MPRIP: variants seen among roughly 807,000 people sequenced by gnomAD.
The protein encoded by MPRIP is myosin phosphatase Rho interacting protein.
In MPRIP, 59 loss-of-function variants were observed where a neutral mutation model predicts 234.9. The ratio of observed to expected loss-of-function variants is 0.25; its 90% CI spans 0.20 to 0.31. The LOEUF is 0.31. Ranked by LOEUF, MPRIP falls within the 10% of genes least tolerant of loss-of-function variation. The pLI, the probability that MPRIP is intolerant of heterozygous loss-of-function variation, is 1.00. For synonymous variants in MPRIP, 1,144 were observed against 1,263.9 expected (o/e 0.91, Z 2.01); for missense variants, 2,436 against 3,071.0 (o/e 0.79, Z 4.89).
intron 7 of MPRIP, among the ~76,000 whole-genome samples, chr17:17,140,645 G>GT (rs1394367084): frequency 6.6e-6 from 1 of 152,116 alleles, no homozygotes; most frequent in Non-Finnish European, 1.5e-5. Flanking sequence ...CACAGGGTTG[G>GT]TTTTTTGACA....
At position 17,174,006 on chromosome 17, in the gene MPRIP, G is replaced by T. The variant is rs11551186; in HGVS notation, c.6681G>T (p.Ala2227=). ...TGGAGAATGCCCATCTGGCCCAGGC[G>T]CTGGAGGCCGAGCGGCAGGCCCTGC... ...KCLENAHLAQ[A]LEAERQALRQ... The change falls in exon 19 of 24, where the codon GCG becomes GCT. Residue 2227 remains alanine (A), a synonymous_variant. Coordinates refer to ENST00000651222, the MANE Select transcript of MPRIP (RefSeq NM_001364716.4). 1.9e-5 allele frequency: 30 copies of T among 1,613,678 alleles called. No homozygotes were observed. In the African/African-American group the frequency reaches 2.7e-4, roughly 14 times the overall value.
intron 3 of MPRIP, among the ~76,000 whole-genome samples, chr17:17,120,540 A>C (rs745680836): frequency 4.2e-4 from 64 of 152,114 alleles, no homozygotes; most frequent in Non-Finnish European, 7.6e-4. Flanking sequence ...CTGCCTAAAC[A>C]ATCTGCAGCC....
chr17:17,132,024 C>G (rs1324836151), intron 5 of MPRIP, among the ~76,000 whole-genome samples: 1 of 152,216 alleles, frequency 6.6e-6, no homozygotes, highest in Non-Finnish European at 1.5e-5. Context: ...AGCCTGCAGC[C>G]ACAGTCAAAA....
intron 1 of MPRIP, among the ~76,000 whole-genome samples, chr17:17,061,960 C>T (rs1346846959): frequency 1.3e-5 from 2 of 151,828 alleles, no homozygotes; most frequent in East Asian, 3.9e-4. Context: ...ATGCTTGTGT[C>T]TGACATGATC....
At chr17:17,128,960 T>A (rs1285738630) in intron 4 of MPRIP, among the ~76,000 whole-genome samples, 1 of 152,142 alleles carries the variant, frequency 6.6e-6, no homozygotes, top group African/African-American at 2.4e-5. Context: ...AGCTCTCTGG[T>A]CACATCAAAG....
At chr17:17,123,236 C>G (rs1006700633) in intron 3 of MPRIP, among the ~76,000 whole-genome samples, 7 of 152,184 alleles carry the variant, frequency 4.6e-5, no homozygotes, top group African/African-American at 1.7e-4. Flanking sequence ...CTGCGAATGG[C>G]TTTTCAGGGG....
chr17:17,146,182 G>C, intron 10 of MPRIP, 90 bp downstream of exon 10: 1 of 1,185,618 alleles, frequency 8.4e-7, no homozygotes, highest in Non-Finnish European at 1.2e-6. Context: ...TGCAAGTGCT[G>C]GCTCCATGCC....
At chr17:17,082,962 G>A (rs1284812707) in intron 3 of MPRIP, among the ~76,000 whole-genome samples, 1 of 152,214 alleles carries the variant, frequency 6.6e-6, no homozygotes, top group Admixed American at 6.5e-5. Context: ...TGGTAGGTCT[G>A]ATGATCTTGG....
intron 4 of MPRIP, among the ~76,000 whole-genome samples, chr17:17,131,281 T>C (rs1430956712): frequency 6.6e-6 from 1 of 152,216 alleles, no homozygotes; most frequent in Non-Finnish European, 1.5e-5. Flanking sequence ...ACAGCTCGTC[T>C]GTACTCTCAC....
At chr17:17,154,495 C>T (rs2045684531) in intron 13 of MPRIP, 80 bp downstream of exon 13, 1 of 1,230,362 alleles carries the variant, frequency 8.1e-7, no homozygotes, top group Admixed American at 1.8e-5. Flanking sequence ...AGACTCAGGT[C>T]TGAAGTCTGA....
chr17:17,142,227 T>A (rs1423974794), intron 7 of MPRIP: 1 of 168,146 alleles, frequency 5.9e-6, no homozygotes, highest in Non-Finnish European at 1.3e-5. Flanking sequence ...TCTTCCTTGC[T>A]AAATTTTGGG....
chr17:17,095,174 T>C (rs1259121845), intron 3 of MPRIP, among the ~76,000 whole-genome samples: 2 of 152,214 alleles, frequency 1.3e-5, no homozygotes, highest in African/African-American at 4.8e-5. Flanking sequence ...GGTGCAGTAC[T>C]TTCTCTAATC....
At chr17:17,083,582 A>G (rs1366462647) in intron 3 of MPRIP, among the ~76,000 whole-genome samples, 1 of 152,152 alleles carries the variant, frequency 6.6e-6, no homozygotes, top group Non-Finnish European at 1.5e-5. Context: ...AGGATCTATC[A>G]TTTGAGGTTT....
chr17:17,173,776 G>C (rs750911230), intron 18 of MPRIP, 140 bp from the exon 19 acceptor site: 3 of 983,990 alleles, frequency 3.0e-6, no homozygotes, highest in Non-Finnish European at 3.2e-6. Context: ...CCCTTACTCT[G>C]TATGACCCAG....
chr17:17,094,284 A>AT (rs994354107), intron 3 of MPRIP, among the ~76,000 whole-genome samples: 5 of 152,210 alleles, frequency 3.3e-5, no homozygotes, highest in Admixed American at 6.5e-5. Flanking sequence ...AGAATGTTAG[A>AT]TGGGACCTAA....
At chr17:17,150,366 A>G (rs563228001) in intron 12 of MPRIP, 133 bp downstream of exon 12, 2 of 640,330 alleles carry the variant, frequency 3.1e-6, no homozygotes, top group Non-Finnish European at 2.8e-6. Context: ...AGTCTTTCCC[A>G]CTACCCTTGA....
intron 3 of MPRIP, among the ~76,000 whole-genome samples, chr17:17,103,152 G>T (rs1368446601): frequency 6.6e-6 from 1 of 152,248 alleles, no homozygotes; most frequent in Non-Finnish European, 1.5e-5. Flanking sequence ...GGCCCAGGCA[G>T]TTCAGGCAGC....
In MPRIP at chr17:17,138,401, G is replaced by C. The variant is rs1157436010; in HGVS notation, c.1222G>C (p.Val408Leu). 3.5e-6 allele frequency: 1 copy of C among 289,114 alleles called. No individual in the cohort carries two copies. The highest frequency in any genetic ancestry group is 6.4e-6 in the Non-Finnish European group (1 of 155,752). 17.9% of individuals were successfully genotyped at this position (289,114 alleles called of 1,614,324 possible). Residue 408 changes from valine (V) to leucine (L), a missense_variant, in exon 7 of 24, where the codon GTG becomes CTG. Val to Leu is a conservative substitution (Grantham distance 32). Coordinates refer to ENST00000651222, the MANE Select transcript of MPRIP (RefSeq NM_001364716.4). This position sits in a 1 kb window ranked among gnomAD's most constrained non-coding sequence, Gnocchi z 5.8. ...TRARSPGREE[V>L]ARLFGNERRR... Reference sequence around the variant, plus strand: ...GGCCCGGAGCCCTGGCAGGGAGGAGGTGGCCCGTCTGTTTGGCAACGAGCG... The same window carrying C: ...GGCCCGGAGCCCTGGCAGGGAGGAGCTGGCCCGTCTGTTTGGCAACGAGCG...
chr17:17,151,179 A>G (rs2045594856), intron 12 of MPRIP, among the ~76,000 whole-genome samples: 1 of 152,022 alleles, frequency 6.6e-6, no homozygotes, highest in African/African-American at 2.4e-5. Flanking sequence ...TCCTGCCCCC[A>G]CTTCTGACAC....
Sources: allele counts gnomAD v4.1 joint callset (sites outside exome capture counted in the v4.1 genomes callset), GRCh38; gene constraint gnomAD v4.1.1; non-coding constraint Gnocchi (gnomAD v3.1); transcripts MANE v1.5; gene names NCBI Gene and HGNC (gene_info 2026-07-23, HGNC 2026-07-21).